Variants in EPB41 observed in about 807,000 individuals in gnomAD.
The protein encoded by EPB41 is protein 4.1.
A neutral mutation model predicts 108.0 loss-of-function variants in EPB41; 65 were observed. The observed-to-expected ratio is 0.60, with a 90% CI of 0.49 to 0.74. The LOEUF is 0.74. Ranked by LOEUF, EPB41 falls within the 30% of genes least tolerant of loss-of-function variation. The probability of loss-of-function intolerance (pLI) is 0.00; values close to 1 mark genes in which losing one functional copy is unlikely to be tolerated. For missense variants in EPB41, 875 were observed against 1,037.0 expected (o/e 0.84, Z 2.15); for synonymous variants, 336 against 358.9 (o/e 0.94, Z 0.72).
intron 17 of EPB41, among the ~76,000 whole-genome samples, chr1:29,099,894 T>A (rs1490970705): frequency 1.3e-5 from 2 of 152,184 alleles, no homozygotes; most frequent in African/African-American, 4.8e-5. Flanking sequence ...AATGTATAAG[T>A]AAATTTCAGA....
At chr1:29,077,430 C>T (rs1417425626) in intron 16 of EPB41, among the ~76,000 whole-genome samples, 1 of 151,990 alleles carries the variant, frequency 6.6e-6, no homozygotes, top group East Asian at 1.9e-4. Flanking sequence ...TATGTATTTA[C>T]CACAGGTAAT....
chr1:29,029,437 A>G (rs2096761404), intron 7 of EPB41, among the ~76,000 whole-genome samples: 1 of 152,318 alleles, frequency 6.6e-6, no homozygotes, highest in South Asian at 2.1e-4. Flanking sequence ...TGGATTTGGA[A>G]GAGACTTTTC....
intron 16 of EPB41, among the ~76,000 whole-genome samples, chr1:29,090,866 TTGTC>T (rs1660936612): frequency 6.6e-6 from 1 of 152,134 alleles, no homozygotes; most frequent in African/African-American, 2.4e-5. Flanking sequence ...CAACAAATAA[TTGTC>T]TGTGTTGTCC....
intron 2 of EPB41, chr1:28,989,361 C>A: frequency 4.1e-6 from 4 of 969,490 alleles, no homozygotes; most frequent in Non-Finnish European, 4.9e-6. Flanking sequence ...TTCAGCCTCA[C>A]CATTACAATT....
chr1:29,069,375 G>GTGTCT, intron 16 of EPB41: 1 of 1,230,190 alleles, frequency 8.1e-7, no homozygotes, highest in Non-Finnish European at 1.0e-6. Flanking sequence ...CAATTGGGGA[G>GTGTCT]AAAAAACTTT....
chr1:29,049,443 G>A (rs1261639348), intron 11 of EPB41, among the ~76,000 whole-genome samples: 5 of 152,094 alleles, frequency 3.3e-5, no homozygotes, highest in Non-Finnish European at 7.4e-5. Flanking sequence ...TATCACCTTT[G>A]GAGCTTTAAA....
At chr1:29,093,795 C>G (rs558751270) in intron 16 of EPB41, among the ~76,000 whole-genome samples, 5 of 152,188 alleles carry the variant, frequency 3.3e-5, no homozygotes, top group African/African-American at 1.2e-4. Context: ...GTCTCAGCTA[C>G]TCTGGAGGCT....
rs1001532396 is a variant in EPB41, at chr1:29,115,762, G to A, written c.2560G>A (p.Val854Ile). The A allele has an allele frequency of 3.7e-6, 6 of 1,613,986 alleles. No homozygotes were observed. The highest frequency in any genetic ancestry group is 5.1e-6 in the Non-Finnish European group (6 of 1,180,026). The change falls in exon 20 of 21, where the codon GTC (valine) becomes ATC (isoleucine). Residue 854 changes from valine to isoleucine, a missense_variant. Physicochemically the swap from Val to Ile is conservative, Grantham distance 29. Around this residue, in one of 3 missense-constraint regions of EPB41, gnomAD observed 519 missense variants for 627.3 expected, o/e 0.83. Transcript: ENST00000343067. The surrounding 1 kb of genome is among the most constrained non-coding windows in gnomAD (Gnocchi z 4.4). ...CCCAGACATGTCAGTGACCAAGGTG[G>A]TCGTCCACCAGGAGACCGAGATTGC... ...QHPDMSVTKV[V>I]VHQETEIADE
chr1:29,037,247 A>G (rs1223324055), intron 10 of EPB41, among the ~76,000 whole-genome samples: 5 of 151,382 alleles, frequency 3.3e-5, no homozygotes, highest in East Asian at 4.0e-4. Context: ...ACGCCTGGCT[A>G]TTTTTTGTAT....
At position 29,032,461 on chromosome 1, in the gene EPB41, T is replaced by G. The variant is rs539954148; in HGVS notation, c.1213-632T>G. The stretch of plus-strand genomic sequence containing the variant: ...ATTCCTGCTTCTCTGTTATAACACG[T>G]GTAGGCACTAATATATTTCTCTATA... On this transcript the variant is annotated intron_variant, in intron 8 of 20. Coordinates refer to ENST00000343067, the MANE Select transcript of EPB41 (RefSeq NM_001376013.1). Among the ~76,000 whole-genome samples the G allele has an allele frequency of 5.9e-5, 9 of 152,302 alleles. No homozygotes were observed. The East Asian group carries it at 1.3e-3, about 23-fold the overall frequency.
In EPB41 at chr1:28,985,109, G is replaced by A. The variant is rs140022676; in HGVS notation, c.-7-2322G>A. On this transcript the variant is annotated intron_variant, in intron 1 of 20. Transcript: ENST00000343067. The stretch of plus-strand genomic sequence containing the variant: ...CTTCCTGAGTAGCTGGATTACAAGC[G>A]CCTGCCACCATGCCCGGCTAATTTT... Among the ~76,000 whole-genome samples the A allele has an allele frequency of 5.9e-3, 901 of 152,032 alleles. 11 individuals carry two copies. The highest frequency in any genetic ancestry group is 0.02 in the African/African-American group (836 of 41,438).
chr1:28,986,146 C>T (rs1490722609), intron 1 of EPB41, among the ~76,000 whole-genome samples: 2 of 151,888 alleles, frequency 1.3e-5, no homozygotes, highest in Non-Finnish European at 2.9e-5. Flanking sequence ...CATGTCCCTA[C>T]AAAGGACATG....
chr1:28,999,093 G>GGGTGT (rs1396187257), intron 4 of EPB41, among the ~76,000 whole-genome samples: 3 of 152,220 alleles, frequency 2.0e-5, no homozygotes, highest in Non-Finnish European at 2.9e-5. Flanking sequence ...TGAATTGGCG[G>GGGTGT]GGTGTGGTGG....
intron 16 of EPB41, among the ~76,000 whole-genome samples, chr1:29,093,042 G>A (rs935230945): frequency 2.6e-5 from 4 of 152,098 alleles, no homozygotes; most frequent in African/African-American, 9.7e-5. Flanking sequence ...ATGGTAGAAC[G>A]ATTTATATTC....
intron 12 of EPB41, 68 bp downstream of exon 12, chr1:29,053,380 GAACGTTTTCAAAGC>G: frequency 6.4e-7 from 1 of 1,567,638 alleles, no homozygotes; most frequent in Non-Finnish European, 8.8e-7. Context: ...TTTTGACCAG[GAACGTTTTCAAAGC>G]AATTGCTTAT....
At chr1:28,917,791 GGCTGGTCTCAAACT>G (rs1489286069) in intron 1 of EPB41, among the ~76,000 whole-genome samples, 1 of 150,920 alleles carries the variant, frequency 6.6e-6, no homozygotes, top group Admixed American at 6.6e-5. Context: ...TTGTTTCCCA[GGCTGGTCTCAAACT>G]GCTGGTCTCA....
chr1:29,113,178 A>T (rs1234154110), intron 19 of EPB41, among the ~76,000 whole-genome samples: 1 of 152,202 alleles, frequency 6.6e-6, no homozygotes, highest in Non-Finnish European at 1.5e-5. Flanking sequence ...GCAATTAGCA[A>T]ATAATAAGGT....
intron 1 of EPB41, among the ~76,000 whole-genome samples, chr1:28,956,539 G>A (rs2094957176): frequency 6.6e-6 from 1 of 152,200 alleles, no homozygotes; most frequent in Non-Finnish European, 1.5e-5. Context: ...TGAGTTATTT[G>A]TCTCTTGGAA....
At chr1:28,971,180 C>CTTTTTTT (rs1000130058) in intron 1 of EPB41, among the ~76,000 whole-genome samples, 33 of 66,326 alleles carry the variant, frequency 5.0e-4, no homozygotes, top group South Asian at 7.0e-4. Flanking sequence ...TTCTTTCTTT[C>CTTTTTTT]TTTTTTTTTT....
Sources: allele counts gnomAD v4.1 joint callset (sites outside exome capture counted in the v4.1 genomes callset), GRCh38; gene constraint gnomAD v4.1.1; regional missense constraint gnomAD v4.1.1; non-coding constraint Gnocchi (gnomAD v3.1); transcripts MANE v1.5; gene names NCBI Gene and HGNC (gene_info 2026-07-23, HGNC 2026-07-21).